Variants in CFAP54 observed in about 807,000 individuals in gnomAD.
The protein encoded by CFAP54 is cilia- and flagella-associated protein 54.
In CFAP54, 290 loss-of-function variants were observed where a neutral mutation model predicts 370.4. The ratio of observed to expected loss-of-function variants is 0.78; its 90% CI spans 0.71 to 0.86. CFAP54 has a LOEUF of 0.86. CFAP54 is among the 40% of genes least tolerant of loss of function. The pLI is 0.00. For synonymous variants in CFAP54, 1,206 were observed against 1,236.5 expected, an observed-to-expected ratio of 0.98 and a Z score of 0.52; for missense variants, 3,399 against 3,528.7, an observed-to-expected ratio of 0.96 and a Z score of 0.93.
At chr12:96,628,134 T>C (rs1050636322) in intron 30 of CFAP54, among the ~76,000 whole-genome samples, 19 of 152,184 alleles carry the variant, frequency 1.2e-4, no homozygotes, top group Non-Finnish European at 2.4e-4. Context: ...ATAAGTACAC[T>C]CTATGATGTT....
In CFAP54 at chr12:96,490,043, G is replaced by C. The variant is rs998776207; in HGVS notation, c.317+117G>C. The C allele has an allele frequency of 5.4e-6, 5 of 927,132 alleles. No homozygotes were observed. In the Middle Eastern group the frequency reaches 8.0e-4, roughly 148 times the overall value. 57.4% of individuals were successfully genotyped at this position (927,132 alleles called of 1,614,324 possible). ...TTCAGCGTTGCGGACGCAGGGGCTGGCTGAAGGGCCCAGGAGAGACAAAGT... is the reference window on the plus strand; with the variant it reads ...TTCAGCGTTGCGGACGCAGGGGCTGCCTGAAGGGCCCAGGAGAGACAAAGT... On this transcript the variant is annotated intron_variant, in intron 1 of 67. Transcript: ENST00000524981.
intron 2 of CFAP54, among the ~76,000 whole-genome samples, chr12:96,502,740 A>G (rs774563825): frequency 6.6e-6 from 1 of 152,162 alleles, no homozygotes; most frequent in Non-Finnish European, 1.5e-5. Context: ...CAAGTGACTC[A>G]TTTTGAAAGC....
chr12:96,853,474 A>G (rs1435920284), intron 66 of CFAP54, among the ~76,000 whole-genome samples: 2 of 152,150 alleles, frequency 1.3e-5, no homozygotes, highest in Non-Finnish European at 2.9e-5. Context: ...TTTTGAAAGA[A>G]AGTGTATATG....
intron 45 of CFAP54, among the ~76,000 whole-genome samples, chr12:96,698,322 TA>T (rs1957457023): frequency 6.6e-6 from 1 of 152,198 alleles, no homozygotes; most frequent in African/African-American, 2.4e-5. Context: ...AATTGATTAA[TA>T]TTTTAAAATA....
At position 96,792,380 on chromosome 12, in the gene CFAP54, G is replaced by A. The variant is rs2136702504; in HGVS notation, c.8731G>A (p.Gly2911Ser). 6.5e-7 allele frequency: 1 copy of A among 1,535,788 alleles called. No homozygotes were observed. Among genetic ancestry groups the A allele is most frequent in the Non-Finnish European group, 8.7e-7 (1 of 1,146,746 alleles). The change falls in exon 63 of 68, where the codon GGC becomes AGC. Residue 2911 changes from glycine (G) to serine (S), a missense_variant. Physicochemically the swap from Gly to Ser is moderately conservative, Grantham distance 56 (BLOSUM62 0). Coordinates refer to ENST00000524981, the MANE Select transcript of CFAP54 (RefSeq NM_001306084.2). Reference protein sequence around the residue: ...QSILSFKPVSGSSCVDITPIE... With the variant: ...QSILSFKPVSSSSCVDITPIE... ...CATTTTATCTTTTAAGCCTGTTTCA[G>A]GCTCATCTTGTGTGGACATAACGCC...
At chr12:96,665,300 C>T (rs1051105411) in intron 39 of CFAP54, among the ~76,000 whole-genome samples, 1 of 152,070 alleles carries the variant, frequency 6.6e-6, no homozygotes, top group Non-Finnish European at 1.5e-5. Context: ...GTTTCTTTTG[C>T]TGTGCAAAAG....
chr12:96,857,678 A>G (rs1372745364), intron 66 of CFAP54, among the ~76,000 whole-genome samples: 1 of 152,082 alleles, frequency 6.6e-6, no homozygotes, highest in Non-Finnish European at 1.5e-5. Context: ...GGTTTCCCCC[A>G]TGCTGTTCTT....
rs184263198 is a variant in CFAP54 at position 96,566,498 on chromosome 12, A to T, written c.2619+1733A>T. Among the ~76,000 whole-genome samples the T allele has an allele frequency of 4.2e-3, 641 of 152,084 alleles. 7 individuals are homozygous for T. Among genetic ancestry groups the T allele is most frequent in the African/African-American group, 0.014 (601 of 41,508 alleles). On this transcript the variant is annotated intron_variant, in intron 19 of 67. Coordinates refer to ENST00000524981, the MANE Select transcript of CFAP54 (RefSeq NM_001306084.2). ...TTTGTGGAGGATTAGATTTTTTTTAAAAAAAATGAAGGTATGAGTTAAAAG... is the reference window on the plus strand; with the variant it reads ...TTTGTGGAGGATTAGATTTTTTTTATAAAAAATGAAGGTATGAGTTAAAAG...
intron 32 of CFAP54, among the ~76,000 whole-genome samples, chr12:96,638,967 C>G (rs1008403351): frequency 1.3e-5 from 2 of 152,204 alleles, no homozygotes; most frequent in African/African-American, 4.8e-5. Context: ...TTCTTGCCGT[C>G]TGCTAGCTTT....
At chr12:96,627,023 G>A (rs539761142) in intron 30 of CFAP54, 84 bp downstream of exon 30, 8 of 995,180 alleles carry the variant, frequency 8.0e-6, no homozygotes, top group South Asian at 4.3e-5. Context: ...TAAGGTAGAC[G>A]AAAAAGAGAG....
At chr12:96,845,451 C>A (rs772406912) in intron 66 of CFAP54, among the ~76,000 whole-genome samples, 2 of 152,224 alleles carry the variant, frequency 1.3e-5, no homozygotes, top group African/African-American at 4.8e-5. Context: ...TCAACCCTCT[C>A]TAGCAACTTC....
chr12:96,848,837 C>A (rs963583073), intron 66 of CFAP54, among the ~76,000 whole-genome samples: 3 of 152,306 alleles, frequency 2.0e-5, no homozygotes, highest in South Asian at 2.1e-4. Context: ...TCTCTTTCTT[C>A]ACAAAGTGTG....
chr12:96,870,508 C>T (rs1960128812), intron 67 of CFAP54, among the ~76,000 whole-genome samples: 1 of 152,144 alleles, frequency 6.6e-6, no homozygotes, highest in Non-Finnish European at 1.5e-5. Flanking sequence ...CTTCAGTTTT[C>T]TCGTCTGTAA....
intron 58 of CFAP54, among the ~76,000 whole-genome samples, chr12:96,760,928 C>T (rs1958329239): frequency 6.6e-6 from 1 of 152,002 alleles, no homozygotes; most frequent in Non-Finnish European, 1.5e-5. Context: ...TTTGCACATT[C>T]ATATACAAGT....
intron 5 of CFAP54, among the ~76,000 whole-genome samples, chr12:96,515,295 C>A (rs1955218321): frequency 1.3e-5 from 2 of 152,060 alleles, no homozygotes; most frequent in African/African-American, 4.8e-5. Flanking sequence ...CAGGCGTGAG[C>A]CACGGTGCCT....
rs371334823 is a variant in CFAP54 at position 96,622,339 on chromosome 12, C to CCT, written c.3771+639_3771+640dup. 4.3e-3 allele frequency among the ~76,000 whole-genome samples: 596 copies of CCT among 137,354 alleles called. 3 individuals carry two copies. Among genetic ancestry groups the CCT allele is most frequent in the African/African-American group, 8.8e-3 (321 of 36,616 alleles). 90.1% of individuals were successfully genotyped at this position (137,354 alleles called of 152,430 possible). ...CCTGCCTGCCCGCCCGCCCTCCCTC[C>CCT]CTCTCTCTCTCTCTCTCTCTCTTTC... is the stretch of plus-strand genomic sequence containing the variant. On this transcript the variant is annotated intron_variant, in intron 27 of 67. Coordinates refer to ENST00000524981, the MANE Select transcript of CFAP54 (RefSeq NM_001306084.2).
intron 27 of CFAP54, 92 bp downstream of exon 27, chr12:96,621,813 AAGTTTTACAT>A: frequency 1.2e-6 from 1 of 866,226 alleles, no homozygotes; most frequent in Non-Finnish European, 1.5e-6. Context: ...GAAAATTGGT[AAGTTTTACAT>A]TTGTTATATT....
At chr12:96,849,736 C>G (rs1178629608) in intron 66 of CFAP54, among the ~76,000 whole-genome samples, 3 of 152,056 alleles carry the variant, frequency 2.0e-5, no homozygotes, top group Non-Finnish European at 4.4e-5. Context: ...TTTAATGAAC[C>G]CCCTGCAGTA....
chr12:96,579,538 C>G (rs1371386193), intron 20 of CFAP54, among the ~76,000 whole-genome samples: 1 of 152,110 alleles, frequency 6.6e-6, no homozygotes, highest in Non-Finnish European at 1.5e-5. Context: ...AGCTGTAAGA[C>G]GTAGTTGTAT....
Sources: gnomAD v4.1 joint callset for allele counts (sites outside exome capture counted in the v4.1 genomes callset) on GRCh38, gnomAD v4.1.1 for gene constraint, MANE v1.5 for transcripts, NCBI Gene and HGNC (gene_info 2026-07-23, HGNC 2026-07-21) for gene names.